Variants in PAFAH2 observed in about 807,000 individuals in gnomAD.
PAFAH2 encodes the protein platelet-activating factor acetylhydrolase 2, cytoplasmic.
In PAFAH2, 42 loss-of-function variants were observed where a neutral mutation model predicts 49.0. The ratio of observed to expected loss-of-function variants is 0.86; its 90% CI spans 0.67 to 1.11. The LOEUF (loss-of-function observed/expected upper bound fraction) is 1.11. PAFAH2 is among the 50% of genes least tolerant of loss of function. The pLI is 0.00. For missense variants in PAFAH2, 503 were observed against 501.8 expected (o/e 1.00, Z -0.02); for synonymous variants, 184 against 181.3 (o/e 1.01, Z -0.12).
At chr1:25,977,124 G>A (rs1442669865) in intron 7 of PAFAH2, among the ~76,000 whole-genome samples, 11 of 140,576 alleles carry the variant, frequency 7.8e-5, no homozygotes, top group African/African-American at 2.6e-4. Context: ...CCGGGTTCAC[G>A]CCATTCTCCT....
chr1:25,990,975 CT>C (rs904617485), intron 1 of PAFAH2, 112 bp from the exon 2 acceptor site: 18 of 587,888 alleles, frequency 3.1e-5, no homozygotes, highest in Middle Eastern at 3.9e-4. Flanking sequence ...CTCATCCTCC[CT>C]GCCGTCGCTC....
chr1:25,987,187 T>A (rs2049793998), intron 4 of PAFAH2, among the ~76,000 whole-genome samples: 1 of 151,080 alleles, frequency 6.6e-6, no homozygotes, highest in African/African-American at 2.4e-5. Flanking sequence ...TGAGCCGAGA[T>A]CACGCCACTG....
intron 10 of PAFAH2, among the ~76,000 whole-genome samples, chr1:25,971,598 A>C (rs1201978416): frequency 6.6e-6 from 1 of 152,196 alleles, no homozygotes; most frequent in Non-Finnish European, 1.5e-5. Context: ...AACCCATGAG[A>C]CAGACGGAAA....
chr1:25,995,049 T>A (rs148051055), intron 1 of PAFAH2, among the ~76,000 whole-genome samples: 1 of 152,220 alleles, frequency 6.6e-6, no homozygotes, highest in Non-Finnish European at 1.5e-5. Context: ...TCATTTCTAA[T>A]AAAAGTCATG....
rs1375198969 is a variant in PAFAH2 at position 25,959,789 on chromosome 1, A to C, written c.*2200T>G. 1 of 152,214 alleles carries C rather than the reference A, an allele frequency of 6.6e-6. No homozygotes were observed. The highest frequency in any genetic ancestry group is 2.4e-5 in the African/African-American group (1 of 41,464). The allele number at this position is 152,214 out of a possible 1,614,324, so 9.4% of individuals were successfully genotyped here. On this transcript the variant is annotated 3_prime_UTR_variant, in exon 11 of 11. Coordinates refer to ENST00000374282, the MANE Select transcript of PAFAH2 (RefSeq NM_000437.4). ...TTCTTCAGAATATATAGTCTTTTTAAACATACATGGCACATTTACAACATT... is the reference window on the plus strand; with the variant it reads ...TTCTTCAGAATATATAGTCTTTTTACACATACATGGCACATTTACAACATT...
chr1:25,988,126 T>C, intron 4 of PAFAH2, 105 bp downstream of exon 4: 2 of 714,080 alleles, frequency 2.8e-6, no homozygotes, highest in Non-Finnish European at 4.7e-6. Flanking sequence ...ATAAGACAGC[T>C]AGCAGATGGA....
rs747432533 is a variant in PAFAH2 at position 25,990,799 on chromosome 1, A to T, written c.18T>A (p.Ser6=). The stretch of plus-strand genomic sequence containing the variant: ...GTCCTGTGACAGGTGGAAAGCCCAC[A>T]GACTGGTTGACCCCCATTTCATCAC... MGVNQ[S]VGFPPVTGPH... The change falls in exon 2 of 11, where the codon TCT becomes TCA. Residue 6 remains serine, a synonymous_variant. Coordinates refer to ENST00000374282, the MANE Select transcript of PAFAH2 (RefSeq NM_000437.4). 6 of 1,613,972 alleles carry T rather than the reference A, an allele frequency of 3.7e-6. No individual in the cohort carries two copies. In the East Asian group the frequency reaches 1.1e-4, roughly 30 times the overall value.
chr1:25,961,921 ATGGGTGCCCT>A lies in PAFAH2; in HGVS notation c.*58_*67del, dbSNP rs2124306919. ...GTTGATCACTTCTTGATAGGAGCTC[ATGGGTGCCCT>A]TGGGTAGCTCCCAAATGAAAACTTG... On this transcript the variant is annotated 3_prime_UTR_variant, in exon 11 of 11. Coordinates refer to ENST00000374282, the MANE Select transcript of PAFAH2 (RefSeq NM_000437.4). The A allele has an allele frequency of 9.7e-6, 11 of 1,138,570 alleles. No homozygotes were observed. The highest frequency in any genetic ancestry group is 1.5e-5 in the Non-Finnish European group (11 of 753,082). 70.5% of individuals were successfully genotyped at this position (1,138,570 alleles called of 1,614,324 possible). A position where few individuals can be genotyped will look rare whatever the true frequency, so the allele number is the denominator to read the frequency against.
chr1:25,987,504 G>T (rs1011768074), intron 4 of PAFAH2, among the ~76,000 whole-genome samples: 29 of 152,156 alleles, frequency 1.9e-4, no homozygotes, highest in Admixed American at 1.8e-3. Context: ...GGCCGAGGCT[G>T]CTGGCTCCAC....
chr1:25,990,465 C>T (rs561568692), intron 2 of PAFAH2, among the ~76,000 whole-genome samples: 4 of 152,118 alleles, frequency 2.6e-5, no homozygotes, highest in African/African-American at 9.7e-5. Context: ...AGAGGATCTG[C>T]GAGCTGCCTC....
chr1:25,976,687 T>A lies in PAFAH2; in HGVS notation c.753A>T (p.Gln251His). Residue 251 changes from glutamine to histidine, a missense_variant, in exon 8 of 11, where the codon CAA (glutamine) becomes CAT (histidine). Coordinates refer to ENST00000374282, the MANE Select transcript of PAFAH2 (RefSeq NM_000437.4). ...TAILALAKET[Q>H]FRCAVALDAW... ...AACACTACTAGGAAACTCACCGAAA[T>A]TGGGTCTCCTTGGCCAAAGCCAGAA... 2 of 1,613,042 alleles carry A rather than the reference T, an allele frequency of 1.2e-6. No homozygotes were observed. Among genetic ancestry groups the A allele is most frequent in the Non-Finnish European group, 1.7e-6 (2 of 1,179,010 alleles).
chr1:25,965,655 A>T (rs1459055700), intron 10 of PAFAH2, among the ~76,000 whole-genome samples: 1 of 151,902 alleles, frequency 6.6e-6, no homozygotes, highest in Non-Finnish European at 1.5e-5. Context: ...GTCTCTATTA[A>T]AAATACGAAA....
intron 2 of PAFAH2, 47 bp from the exon 3 acceptor site, chr1:25,989,648 A>G: frequency 7.1e-7 from 1 of 1,399,576 alleles, no homozygotes; most frequent in South Asian, 1.6e-5. Context: ...AGCCCAGGCT[A>G]GATTTCCCAA....
chr1:25,967,014 AGAGT>A (rs1469281417), intron 10 of PAFAH2, among the ~76,000 whole-genome samples: 1 of 138,676 alleles, frequency 7.2e-6, no homozygotes, highest in African/African-American at 2.6e-5. Flanking sequence ...TCTGGGCGAC[AGAGT>A]GAGACGCCTT....
Position 25,988,632 on chromosome 1 carries a change from G to A in PAFAH2, c.245-305C>T, listed in dbSNP as rs138742324. On this transcript the variant is annotated intron_variant, in intron 3 of 10. Transcript: ENST00000374282. ...GACCAGCCTGGCCAAGTGAAACCCC[G>A]TCTCTACTAAAAATACAAAAATTAG... is the stretch of plus-strand genomic sequence containing the variant. 3.3e-3 allele frequency among the ~76,000 whole-genome samples: 495 copies of A among 151,742 alleles called. 5 individuals carry two copies. Among genetic ancestry groups the A allele is most frequent in the African/African-American group, 0.011 (462 of 41,374 alleles).
chr1:25,962,238 A>G (rs1256881169), intron 10 of PAFAH2, among the ~76,000 whole-genome samples, 155 bp from the exon 11 acceptor site: 1 of 152,192 alleles, frequency 6.6e-6, no homozygotes, highest in Non-Finnish European at 1.5e-5. Flanking sequence ...GGCGGTAACG[A>G]TAACTATCAT....
chr1:25,970,059 A>G (rs1362757553), intron 10 of PAFAH2, among the ~76,000 whole-genome samples: 1 of 152,262 alleles, frequency 6.6e-6, no homozygotes, highest in East Asian at 1.9e-4. Flanking sequence ...CCAAAAAGTC[A>G]ATAAATGCGT....
At chr1:25,997,378 T>C (rs933436363) in intron 1 of PAFAH2, 2 of 152,248 alleles carry the variant, frequency 1.3e-5, no homozygotes, top group African/African-American at 4.8e-5. Flanking sequence ...TCTCTGTCTC[T>C]TGTGAAGGTC....
intron 4 of PAFAH2, among the ~76,000 whole-genome samples, chr1:25,984,845 CTTTT>C (rs34522205): frequency 9.6e-6 from 1 of 104,282 alleles, no homozygotes. Flanking sequence ...AGAGAGATTT[CTTTT>C]TTTTTTTTTT....
Sources: allele counts gnomAD v4.1 joint callset (sites outside exome capture counted in the v4.1 genomes callset), GRCh38; gene constraint gnomAD v4.1.1; transcripts MANE v1.5; gene names NCBI Gene and HGNC (gene_info 2026-07-23, HGNC 2026-07-21).